ADARB1: variants seen among roughly 807,000 people sequenced by gnomAD.
The protein encoded by ADARB1 is adenosine deaminase RNA specific B1.
ADARB1 carries 10 observed loss-of-function variants against 52.4 expected under a neutral mutation model. The ratio of observed to expected loss-of-function variants is 0.19; its 90% CI spans 0.12 to 0.32. ADARB1 has a LOEUF of 0.32. Ranked by LOEUF, ADARB1 falls within the 10% of genes least tolerant of loss-of-function variation. ADARB1 has a pLI of 1.00. For synonymous variants in ADARB1, 349 were observed against 371.1 expected (o/e 0.94, Z 0.68); for missense variants, 643 against 922.3 (o/e 0.70, Z 3.92).
intron 7 of ADARB1, chr21:45,184,706 C>T: frequency 2.1e-6 from 1 of 480,392 alleles, no homozygotes; most frequent in Non-Finnish European, 3.7e-6. Flanking sequence ...CTGCCTCAGC[C>T]TCCCAAAGTG....
intron 1 of ADARB1, among the ~76,000 whole-genome samples, chr21:45,088,728 G>A (rs540788771): frequency 6.4e-4 from 97 of 152,252 alleles, no homozygotes; most frequent in Non-Finnish European, 1.3e-3. Context: ...ATTAAAAAGG[G>A]AAAAATAGTA....
chr21:45,161,795 G>C (rs2104812), intron 2 of ADARB1, among the ~76,000 whole-genome samples: 1 of 152,000 alleles, frequency 6.6e-6, no homozygotes. Flanking sequence ...GGGCTCACCC[G>C]TGACTGCCCA....
intron 2 of ADARB1, among the ~76,000 whole-genome samples, chr21:45,158,461 G>A (rs1252192555): frequency 6.6e-6 from 1 of 152,236 alleles, no homozygotes; most frequent in African/African-American, 2.4e-5. Context: ...GTATGTTGTA[G>A]TAGTGATAAT....
intron 8 of ADARB1, among the ~76,000 whole-genome samples, chr21:45,202,994 T>A (rs2092590838): frequency 6.7e-6 from 1 of 148,558 alleles, no homozygotes; most frequent in Non-Finnish European, 1.5e-5. Flanking sequence ...CTGAGCGTCT[T>A]CCCCTGCAGC....
At chr21:45,146,303 A>G (rs993312403) in intron 2 of ADARB1, 2 of 152,386 alleles carry the variant, frequency 1.3e-5, no homozygotes, top group African/African-American at 2.4e-5. Context: ...ATGGCTTGCT[A>G]TACAAGTTTT....
intron 2 of ADARB1, among the ~76,000 whole-genome samples, chr21:45,140,794 A>G (rs2089680715): frequency 6.6e-6 from 1 of 152,202 alleles, no homozygotes; most frequent in Non-Finnish European, 1.5e-5. Flanking sequence ...TGAATTGTAA[A>G]TAAAATTTTA....
intron 2 of ADARB1, among the ~76,000 whole-genome samples, chr21:45,160,384 G>A (rs573298456): frequency 6.6e-6 from 1 of 152,376 alleles, no homozygotes; most frequent in African/African-American, 2.4e-5. Context: ...AAAAGGAGTG[G>A]CTTTCAGCCT....
chr21:45,093,075 T>G (rs980287010), intron 1 of ADARB1, among the ~76,000 whole-genome samples: 74 of 151,946 alleles, frequency 4.9e-4, no homozygotes, highest in Non-Finnish European at 4.4e-5. Context: ...CCCCCAAATA[T>G]TCACACAATA....
At chr21:45,137,943 G>A (rs1007510363) in intron 2 of ADARB1, among the ~76,000 whole-genome samples, 3 of 152,170 alleles carry the variant, frequency 2.0e-5, no homozygotes, top group Non-Finnish European at 4.4e-5. Context: ...CCTGCTGGGG[G>A]CAGGAAAAGG....
chr21:45,092,565 A>G (rs2086601891), intron 1 of ADARB1, among the ~76,000 whole-genome samples: 1 of 152,188 alleles, frequency 6.6e-6, no homozygotes, highest in African/African-American at 2.4e-5. Context: ...GCTTTAGTCA[A>G]AAGTTAACTT....
intron 7 of ADARB1, 73 bp downstream of exon 7, chr21:45,183,583 T>C: frequency 6.6e-7 from 1 of 1,519,772 alleles, no homozygotes; most frequent in Non-Finnish European, 8.9e-7. Context: ...CCTGTGTTAA[T>C]ATCCCTTTTC....
intron 8 of ADARB1, among the ~76,000 whole-genome samples, chr21:45,188,231 C>T (rs1298159028): frequency 2.0e-5 from 3 of 152,144 alleles, no homozygotes; most frequent in African/African-American, 7.2e-5. Flanking sequence ...TTCAGCCTCC[C>T]GAGTAGCTGG....
chr21:45,173,122 G>C (rs1180341351), intron 3 of ADARB1, among the ~76,000 whole-genome samples: 1 of 152,174 alleles, frequency 6.6e-6, no homozygotes, highest in African/African-American at 2.4e-5. Context: ...GATCGTGTAG[G>C]TTCTGGAACT....
chr21:45,087,101 C>A (rs937510424), intron 1 of ADARB1, among the ~76,000 whole-genome samples: 1 of 152,182 alleles, frequency 6.6e-6, no homozygotes, highest in African/African-American at 2.4e-5. Flanking sequence ...GTTTTCCCCC[C>A]ACTTATCAGA....
In ADARB1 at chr21:45,223,361, C is replaced by T; in HGVS notation, c.*1164C>T. On this transcript the variant is annotated 3_prime_UTR_variant, in exon 11 of 11. Coordinates refer to ENST00000348831, the MANE Select transcript of ADARB1 (RefSeq NM_001112.4). ...AGTCCTGACGGGAGCTCAGGGCTGCCCAGCGCCCAGCGTGCACGGGACGGC... is the reference window on the plus strand; with the variant it reads ...AGTCCTGACGGGAGCTCAGGGCTGCTCAGCGCCCAGCGTGCACGGGACGGC... 7 of 985,564 alleles carry T rather than the reference C, an allele frequency of 7.1e-6. No individual in the cohort carries two copies. Among genetic ancestry groups the T allele is most frequent in the African/African-American group, 1.7e-5 (1 of 57,364 alleles). The allele number at this position is 985,564 out of a possible 1,614,324, so 61.1% of individuals were successfully genotyped here. A position where few individuals can be genotyped will look rare whatever the true frequency, so the allele number is the denominator to read the frequency against.
intron 2 of ADARB1, among the ~76,000 whole-genome samples, chr21:45,151,523 GCTT>G (rs1166749241): frequency 6.6e-6 from 1 of 152,016 alleles, no homozygotes; most frequent in Admixed American, 6.5e-5. Flanking sequence ...GCCTATGAGT[GCTT>G]CTTCTGCTTG....
rs111462030 is a variant in ADARB1 at position 45,179,969 on chromosome 21, G to A, written c.964-361G>A. Among the ~76,000 whole-genome samples the A allele has an allele frequency of 4.9e-4, 75 of 152,294 alleles. 1 individual carries two copies. The highest frequency in any genetic ancestry group is 8.1e-4 in the Non-Finnish European group (55 of 68,020). ...AGGGCCATACTAGGTGGGCGTAGGC[G>A]TGGGCAGGTGGCCCTGAGCAGGCAG... On this transcript the variant is annotated intron_variant, in intron 4 of 10. Coordinates refer to ENST00000348831, the MANE Select transcript of ADARB1 (RefSeq NM_001112.4).
chr21:45,137,902 C>T (rs1248561432), intron 2 of ADARB1, among the ~76,000 whole-genome samples: 1 of 151,822 alleles, frequency 6.6e-6, no homozygotes, highest in Non-Finnish European at 1.5e-5. Flanking sequence ...CTCCAGAAGC[C>T]TGGTGGGCTG....
chr21:45,121,914 T>C (rs1050138302), intron 1 of ADARB1, among the ~76,000 whole-genome samples: 3 of 152,240 alleles, frequency 2.0e-5, no homozygotes, highest in Admixed American at 6.5e-5. Flanking sequence ...TCTCGGGCCA[T>C]CAACTTTTTG....
Sources: gnomAD v4.1 joint callset for allele counts (sites outside exome capture counted in the v4.1 genomes callset) on GRCh38, gnomAD v4.1.1 for gene constraint, MANE v1.5 for transcripts, NCBI Gene and HGNC (gene_info 2026-07-23, HGNC 2026-07-21) for gene names.